GRHL1: variants seen among roughly 807,000 people sequenced by gnomAD.
GRHL1 encodes the protein grainyhead like transcription factor 1.
In GRHL1, 38 loss-of-function variants were observed where a neutral mutation model predicts 75.7. That is an observed-to-expected ratio of 0.50 (90% CI 0.39 to 0.66). The LOEUF (loss-of-function observed/expected upper bound fraction) is 0.66. Among genes scored for constraint, GRHL1 ranks in the 30% least tolerant of loss-of-function variants. GRHL1 has a pLI of 0.00. For synonymous variants in GRHL1, 266 were observed against 279.4 expected (o/e 0.95, Z 0.48); for missense variants, 589 against 767.5 (o/e 0.77, Z 2.75).
chr2:9,961,524 C>A, intron 4 of GRHL1, 88 bp downstream of exon 4: 1 of 1,285,520 alleles, frequency 7.8e-7, no homozygotes, highest in Non-Finnish European at 1.1e-6. Flanking sequence ...AAGCATGAAA[C>A]TCAGCCTGAA....
At chr2:9,972,984 C>T (rs1052476657) in intron 8 of GRHL1, among the ~76,000 whole-genome samples, 1 of 152,146 alleles carries the variant, frequency 6.6e-6, no homozygotes, top group Admixed American at 6.5e-5. Context: ...GAGGCAACAG[C>T]CAGGCTGCTG....
chr2:9,966,752 A>G (rs534717312), intron 8 of GRHL1, among the ~76,000 whole-genome samples: 1 of 152,104 alleles, frequency 6.6e-6, no homozygotes, highest in South Asian at 2.1e-4. Flanking sequence ...TATCGTTGTC[A>G]TCATGTCCAA....
At chr2:9,974,535 G>A (rs867968703) in intron 8 of GRHL1, among the ~76,000 whole-genome samples, 30 of 148,052 alleles carry the variant, frequency 2.0e-4, no homozygotes, top group Admixed American at 5.3e-4. Flanking sequence ...CGATACTGAT[G>A]TGGGCCAGCA....
chr2:9,983,148 T>C (rs1668269489), intron 8 of GRHL1, among the ~76,000 whole-genome samples: 1 of 152,180 alleles, frequency 6.6e-6, no homozygotes, highest in African/African-American at 2.4e-5. Flanking sequence ...CCTGGGATCC[T>C]TTCCTAAGAG....
Position 9,978,546 on chromosome 2 carries a change from T to C in GRHL1, c.1111-7578T>C, listed in dbSNP as rs552186025. ...AGAATTTGGATTCCTGCCTTCACAC[T>C]GCAGAGAACCATTGAAGGCTATTAG... On this transcript the variant is annotated intron_variant, in intron 8 of 15. Transcript: ENST00000324907. 1.8e-4 allele frequency among the ~76,000 whole-genome samples: 27 copies of C among 152,354 alleles called. No individual in the cohort carries two copies. In the South Asian group the frequency reaches 4.8e-3, roughly 27 times the overall value.
intron 9 of GRHL1, among the ~76,000 whole-genome samples, 187 bp downstream of exon 9, chr2:9,986,469 G>C (rs1183229367): frequency 1.3e-5 from 2 of 152,024 alleles, no homozygotes; most frequent in Non-Finnish European, 2.9e-5. Context: ...CCAGGCTGGA[G>C]TGAAGTGGTG....
chr2:9,952,853 A>G, intron 1 of GRHL1: 1 of 329,680 alleles, frequency 3.0e-6, no homozygotes, highest in Middle Eastern at 4.9e-4. Flanking sequence ...CTTTTTCTGG[A>G]TGAGATAGAT....
chr2:9,985,703 ATC>A (rs1668389968), intron 8 of GRHL1, among the ~76,000 whole-genome samples: 8 of 152,258 alleles, frequency 5.3e-5, no homozygotes, highest in Non-Finnish European at 4.4e-5. Context: ...ACTACAGGTT[ATC>A]CTAAGAGGTG....
intron 8 of GRHL1, among the ~76,000 whole-genome samples, chr2:9,977,685 G>T (rs1415569378): frequency 6.6e-6 from 1 of 152,138 alleles, no homozygotes. Flanking sequence ...CTTACTAACT[G>T]CAGTGTTACA....
rs1301267702 is a variant in GRHL1 at position 10,001,333 on chromosome 2, A to T, written c.*626A>T. ...AAGAATTTTAATGGGTTACAGTATGAAATCAGTTAAGATAAAGCTGCATTG... is the reference window on the plus strand; with the variant it reads ...AAGAATTTTAATGGGTTACAGTATGTAATCAGTTAAGATAAAGCTGCATTG... On this transcript the variant is annotated 3_prime_UTR_variant, in exon 16 of 16. Coordinates refer to ENST00000324907, the MANE Select transcript of GRHL1 (RefSeq NM_198182.3). 6.5e-6 allele frequency: 1 copy of T among 152,672 alleles called. No homozygotes were observed. Among genetic ancestry groups the T allele is most frequent in the Non-Finnish European group, 1.5e-5 (1 of 68,042 alleles). The allele number at this position is 152,672 out of a possible 1,614,324, so 9.5% of individuals were successfully genotyped here.
At chr2:9,954,175 C>T (rs1314812939) in intron 1 of GRHL1, among the ~76,000 whole-genome samples, 1 of 152,130 alleles carries the variant, frequency 6.6e-6, no homozygotes, top group African/African-American at 2.4e-5. Context: ...TTTTTAAAAG[C>T]CAGATTTTCC....
chr2:9,965,597 A>G, intron 8 of GRHL1: 1 of 527,374 alleles, frequency 1.9e-6, no homozygotes, highest in Non-Finnish European at 3.4e-6. Context: ...AAACATTGAG[A>G]TTAAGTTGCA....
At chr2:9,986,936 G>C (rs1668446567) in intron 9 of GRHL1, among the ~76,000 whole-genome samples, 3 of 151,508 alleles carry the variant, frequency 2.0e-5, no homozygotes, top group Admixed American at 1.3e-4. Context: ...TTGAACTCCG[G>C]TCCTCAAGTG....
intron 9 of GRHL1, among the ~76,000 whole-genome samples, chr2:9,988,564 T>C (rs1158667387): frequency 1.3e-5 from 2 of 152,088 alleles, no homozygotes; most frequent in African/African-American, 4.8e-5. Flanking sequence ...CTCGGAGCTC[T>C]TTCCTCTTTG....
Position 10,000,819 on chromosome 2 carries a change from G to C in GRHL1, c.*112G>C. ...CATGTCGCCAGCACAGGTCTATGTC[G>C]AGGGAATGGGTTCCTTGCAGGTTGG... On this transcript the variant is annotated 3_prime_UTR_variant, in exon 16 of 16. Coordinates refer to ENST00000324907, the MANE Select transcript of GRHL1 (RefSeq NM_198182.3). The C allele has an allele frequency of 1.7e-6, 1 of 602,436 alleles. No homozygotes were observed. The highest frequency in any genetic ancestry group is 3.0e-6 in the Non-Finnish European group (1 of 334,932). The allele number at this position is 602,436 out of a possible 1,614,324, so 37.3% of individuals were successfully genotyped here. A position where few individuals can be genotyped will look rare whatever the true frequency, so the allele number is the denominator to read the frequency against.
intron 2 of GRHL1, among the ~76,000 whole-genome samples, chr2:9,955,646 G>A (rs917980861): frequency 1.3e-5 from 2 of 152,124 alleles, no homozygotes; most frequent in African/African-American, 4.8e-5. Flanking sequence ...TCATTATCTG[G>A]AAGTGACACT....
At chr2:9,976,538 G>A (rs1052085711) in intron 8 of GRHL1, among the ~76,000 whole-genome samples, 4 of 152,156 alleles carry the variant, frequency 2.6e-5, no homozygotes, top group Non-Finnish European at 4.4e-5. Context: ...GGGTCTTGGG[G>A]TTGGAGGTTC....
At chr2:9,995,145 A>C (rs1668800740) in intron 12 of GRHL1, among the ~76,000 whole-genome samples, 1 of 152,104 alleles carries the variant, frequency 6.6e-6, no homozygotes, top group Non-Finnish European at 1.5e-5. Flanking sequence ...AAATTTCTAG[A>C]TATGGCTTCC....
At chr2:9,975,780 G>A (rs1023564141) in intron 8 of GRHL1, among the ~76,000 whole-genome samples, 2 of 151,996 alleles carry the variant, frequency 1.3e-5, no homozygotes, top group Non-Finnish European at 2.9e-5. Flanking sequence ...CAGCTACTTG[G>A]GAGACTGAGG....
Sources: allele counts gnomAD v4.1 joint callset (sites outside exome capture counted in the v4.1 genomes callset), GRCh38; gene constraint gnomAD v4.1.1; transcripts MANE v1.5; gene names NCBI Gene and HGNC (gene_info 2026-07-23, HGNC 2026-07-21).